The following ADK variants were observed in gnomAD, a reference collection of about 807,000 sequenced individuals.
The protein encoded by ADK is N6,N6-dimethyladenosine kinase.
In ADK, 24 loss-of-function variants were observed where a neutral mutation model predicts 44.7. The ratio of observed to expected loss-of-function variants is 0.54; its 90% CI spans 0.39 to 0.76. The LOEUF (loss-of-function observed/expected upper bound fraction) is 0.76, where lower values mean the gene tolerates loss of function less well. ADK is among the 30% of genes least tolerant of loss of function. The probability of loss-of-function intolerance (pLI) is 0.00; values close to 1 mark genes in which losing one functional copy is unlikely to be tolerated. For synonymous variants in ADK, 128 were observed against 142.6 expected (o/e 0.90, Z 0.73); for missense variants, 321 against 425.1 (o/e 0.76, Z 2.15).
chr10:74,608,977 G>A (rs1852440839), intron 9 of ADK, among the ~76,000 whole-genome samples: 1 of 152,180 alleles, frequency 6.6e-6, no homozygotes, highest in African/African-American at 2.4e-5. Context: ...CCAAGCTGCA[G>A]TGGGCTCCAC....
chr10:74,494,338 TCTC>T (rs1847603413), intron 6 of ADK, among the ~76,000 whole-genome samples: 2 of 152,280 alleles, frequency 1.3e-5, no homozygotes, highest in South Asian at 4.1e-4. Flanking sequence ...CATTCTGTCC[TCTC>T]CTCCTCTCCA....
chr10:74,618,596 T>C (rs1234373202), intron 9 of ADK, among the ~76,000 whole-genome samples: 1 of 152,136 alleles, frequency 6.6e-6, no homozygotes, highest in Non-Finnish European at 1.5e-5. Flanking sequence ...GCCTGAATTC[T>C]CAGTTTTTGT....
chr10:74,170,536 C>T (rs1448980197), intron 1 of ADK, among the ~76,000 whole-genome samples: 3 of 152,028 alleles, frequency 2.0e-5, no homozygotes, highest in East Asian at 3.9e-4. Context: ...CGGTGGCTCA[C>T]GCCTGTAATC....
chr10:74,411,928 T>C (rs1490345874), intron 6 of ADK, among the ~76,000 whole-genome samples: 1 of 152,234 alleles, frequency 6.6e-6, no homozygotes, highest in Non-Finnish European at 1.5e-5. Flanking sequence ...GTAGATTCCA[T>C]GTCAAGAAAC....
At chr10:74,625,931 A>G (rs1446000944) in intron 9 of ADK, among the ~76,000 whole-genome samples, 1 of 152,202 alleles carries the variant, frequency 6.6e-6, no homozygotes, top group African/African-American at 2.4e-5. Context: ...CATTAATAAA[A>G]TGTGTAGTTG....
intron 9 of ADK, among the ~76,000 whole-genome samples, chr10:74,608,634 C>T (rs1285108750): frequency 6.6e-6 from 1 of 152,090 alleles, no homozygotes; most frequent in African/African-American, 2.4e-5. Context: ...CGCCAGATGC[C>T]AGCTGGAGCT....
intron 3 of ADK, among the ~76,000 whole-genome samples, chr10:74,296,245 A>G (rs977785204): frequency 1.3e-5 from 2 of 152,126 alleles, no homozygotes; most frequent in Non-Finnish European, 1.5e-5. Context: ...CTTGTAAAAA[A>G]ATTATTTAAT....
intron 10 of ADK, among the ~76,000 whole-genome samples, chr10:74,700,899 G>A (rs774091938): frequency 3.9e-5 from 6 of 152,136 alleles, no homozygotes; most frequent in Non-Finnish European, 7.4e-5. Flanking sequence ...AAAGCAAACT[G>A]AAAAACATGA....
At chr10:74,577,192 A>T (rs758828469) in intron 7 of ADK, among the ~76,000 whole-genome samples, 8 of 146,468 alleles carry the variant, frequency 5.5e-5, no homozygotes, top group Non-Finnish European at 1.0e-4. Context: ...TTTTTCAAGC[A>T]TGTTAGATTT....
At chr10:74,594,534 A>G (rs1302951904) in intron 8 of ADK, among the ~76,000 whole-genome samples, 2 of 152,182 alleles carry the variant, frequency 1.3e-5, no homozygotes, top group Non-Finnish European at 2.9e-5. Flanking sequence ...TATTAATTCA[A>G]CTGCATTAAT....
chr10:74,481,444 A>G (rs944012464), intron 6 of ADK, among the ~76,000 whole-genome samples: 12 of 151,920 alleles, frequency 7.9e-5, no homozygotes, highest in African/African-American at 2.9e-4. Context: ...TTTATTTACT[A>G]TATTTTTATC....
intron 10 of ADK, among the ~76,000 whole-genome samples, chr10:74,678,513 C>A (rs955385742): frequency 1.1e-4 from 16 of 152,178 alleles, no homozygotes; most frequent in African/African-American, 3.6e-4. Flanking sequence ...TCCTGAATGG[C>A]CTTCATCTAG....
chr10:74,520,092 T>C (rs1434523839), intron 6 of ADK, among the ~76,000 whole-genome samples: 4 of 152,014 alleles, frequency 2.6e-5, no homozygotes, highest in African/African-American at 9.6e-5. Flanking sequence ...AATTACAAGT[T>C]CTTAACCTTC....
chr10:74,410,388 T>C (rs1844127642), intron 6 of ADK, among the ~76,000 whole-genome samples: 1 of 152,156 alleles, frequency 6.6e-6, no homozygotes, highest in South Asian at 2.1e-4. Flanking sequence ...GTAAGTATTA[T>C]TTAGGCCAGG....
At chr10:74,692,025 C>T (rs1267173811) in intron 10 of ADK, among the ~76,000 whole-genome samples, 1 of 152,068 alleles carries the variant, frequency 6.6e-6, no homozygotes, top group African/African-American at 2.4e-5. Context: ...CTTCGTTGCC[C>T]AAATGATTTA....
chr10:74,607,896 A>G (rs978409643), intron 9 of ADK, among the ~76,000 whole-genome samples: 2 of 151,946 alleles, frequency 1.3e-5, no homozygotes, highest in Non-Finnish European at 2.9e-5. Flanking sequence ...GTCTTTTCAT[A>G]TAGTCCCATA....
intron 7 of ADK, among the ~76,000 whole-genome samples, chr10:74,534,433 A>C (rs988528902): frequency 1.3e-5 from 2 of 152,188 alleles, no homozygotes; most frequent in Non-Finnish European, 2.9e-5. Flanking sequence ...AACTTCTGTT[A>C]TTTCCATGGA....
intron 7 of ADK, among the ~76,000 whole-genome samples, chr10:74,567,489 T>C (rs966461513): frequency 6.6e-6 from 1 of 152,152 alleles, no homozygotes; most frequent in Non-Finnish European, 1.5e-5. Context: ...CTTAGTACTT[T>C]CCACTCCTCT....
At chr10:74,168,554 A>C (rs1474396159) in intron 1 of ADK, among the ~76,000 whole-genome samples, 1 of 150,678 alleles carries the variant, frequency 6.6e-6, no homozygotes. Flanking sequence ...AAAAAAAAGA[A>C]AGAAAGAAAA....
Sources: gnomAD v4.1 joint callset for allele counts (sites outside exome capture counted in the v4.1 genomes callset) on GRCh38, gnomAD v4.1.1 for gene constraint, MANE v1.5 for transcripts, NCBI Gene and HGNC (gene_info 2026-07-23, HGNC 2026-07-21) for gene names.